The following CARMIL1 variants were observed in gnomAD, a reference collection of about 807,000 sequenced individuals.
CARMIL1 encodes the protein capping protein regulator and myosin 1 linker 1.
CARMIL1 carries 90 observed loss-of-function variants against 177.1 expected under a neutral mutation model. That is an observed-to-expected ratio of 0.51 (90% CI 0.43 to 0.61). CARMIL1 has a LOEUF of 0.61. Ranked by LOEUF, CARMIL1 falls within the 20% of genes least tolerant of loss-of-function variation. The pLI is 0.00. For synonymous variants in CARMIL1, 577 were observed against 606.2 expected, an observed-to-expected ratio of 0.95 and a Z score of 0.71; for missense variants, 1,380 against 1,667.0, an observed-to-expected ratio of 0.83 and a Z score of 3.00.
chr6:25,505,230 G>A (rs1582177493), intron 17 of CARMIL1, among the ~76,000 whole-genome samples: 1 of 152,096 alleles, frequency 6.6e-6, no homozygotes, highest in African/African-American at 2.4e-5. Flanking sequence ...ATACTTCATG[G>A]CCAGATTAGC....
intron 23 of CARMIL1, among the ~76,000 whole-genome samples, chr6:25,526,323 A>G (rs1377913888): frequency 2.6e-4 from 40 of 151,788 alleles, no homozygotes; most frequent in African/African-American, 9.0e-4. Flanking sequence ...AGCCTGGGCG[A>G]CAGCACAAGA....
chr6:25,389,735 G>A (rs777224037), intron 2 of CARMIL1, among the ~76,000 whole-genome samples: 1 of 152,148 alleles, frequency 6.6e-6, no homozygotes, highest in Non-Finnish European at 1.5e-5. Context: ...GGTGTGGGCC[G>A]CAGCAATGAA....
At position 25,338,265 on chromosome 6, in the gene CARMIL1, A is replaced by AAT. The variant is rs1554167275; in HGVS notation, c.138+53357_138+53358insTA. Among the ~76,000 whole-genome samples the AAT allele has an allele frequency of 6.4e-3, 450 of 70,826 alleles. 2 individuals carry two copies. The highest frequency in any genetic ancestry group is 0.026 in the African/African-American group (416 of 16,110). 46.5% of individuals were successfully genotyped at this position (70,826 alleles called of 152,430 possible). A position where few individuals can be genotyped will look rare whatever the true frequency, so the allele number is the denominator to read the frequency against. On this transcript the variant is annotated intron_variant, in intron 2 of 36. Coordinates refer to ENST00000329474, the MANE Select transcript of CARMIL1 (RefSeq NM_017640.6). ...GAGCAAGACTCTGTCTCAAAAAAAA[A>AAT]AAAATAAAATAAAAGGTGGTAGTAT...
chr6:25,579,426 C>A (rs112221079), intron 29 of CARMIL1, among the ~76,000 whole-genome samples: 1 of 152,122 alleles, frequency 6.6e-6, no homozygotes, highest in Non-Finnish European at 1.5e-5. Context: ...GAACTTGTTG[C>A]GACCAAACAC....
At chr6:25,606,029 T>C in intron 34 of CARMIL1, 32 bp from the exon 35 acceptor site, 1 of 1,543,942 alleles carries the variant, frequency 6.5e-7, no homozygotes, top group Non-Finnish European at 8.8e-7. Flanking sequence ...TTCTTTGACC[T>C]TTGATTTTTA....
chr6:25,450,007 T>A lies in CARMIL1; in HGVS notation c.469+12T>A. Reference sequence around the variant, plus strand: ...GCAGGGCCCCTGTGGTGAGCATGCATTTTAAAACTGAAATGTGAATAGCTG... The same window carrying A: ...GCAGGGCCCCTGTGGTGAGCATGCAATTTAAAACTGAAATGTGAATAGCTG... On this transcript the variant is annotated intron_variant, in intron 6 of 36. Transcript: ENST00000329474. 1.3e-6 allele frequency: 2 copies of A among 1,587,560 alleles called. No individual in the cohort carries two copies. Among genetic ancestry groups the A allele is most frequent in the Non-Finnish European group, 1.7e-6 (2 of 1,168,064 alleles).
At chr6:25,605,767 G>A (rs1815898983) in intron 34 of CARMIL1, among the ~76,000 whole-genome samples, 1 of 152,166 alleles carries the variant, frequency 6.6e-6, no homozygotes, top group African/African-American at 2.4e-5. Context: ...TGTTTTCCTT[G>A]TATGTGATTA....
chr6:25,322,426 A>T (rs1784761139), intron 2 of CARMIL1, among the ~76,000 whole-genome samples: 2 of 152,240 alleles, frequency 1.3e-5, no homozygotes, highest in Non-Finnish European at 1.5e-5. Context: ...CCCAGCCTTC[A>T]CTGCTTTTAT....
intron 17 of CARMIL1, among the ~76,000 whole-genome samples, chr6:25,501,646 C>T (rs1804344942): frequency 6.6e-6 from 1 of 152,116 alleles, no homozygotes; most frequent in Non-Finnish European, 1.5e-5. Context: ...TAATAGCATG[C>T]ACTTGGACAC....
At chr6:25,338,993 C>T (rs1270304579) in intron 2 of CARMIL1, among the ~76,000 whole-genome samples, 1 of 151,802 alleles carries the variant, frequency 6.6e-6, no homozygotes, top group African/African-American at 2.4e-5. Context: ...GAAATGTATA[C>T]ATTCTATGAA....
At chr6:25,306,647 T>C (rs1420809679) in intron 2 of CARMIL1, among the ~76,000 whole-genome samples, 2 of 152,236 alleles carry the variant, frequency 1.3e-5, no homozygotes, top group Non-Finnish European at 2.9e-5. Flanking sequence ...CTGAATAATA[T>C]TCTGTTGTAT....
chr6:25,291,419 T>G (rs1179039595), intron 2 of CARMIL1, among the ~76,000 whole-genome samples: 1 of 152,222 alleles, frequency 6.6e-6, no homozygotes, highest in Non-Finnish European at 1.5e-5. Context: ...TCAGATATTC[T>G]GCAATATGGA....
intron 2 of CARMIL1, among the ~76,000 whole-genome samples, chr6:25,307,806 G>A (rs1352927127): frequency 1.3e-5 from 2 of 152,206 alleles, no homozygotes; most frequent in Admixed American, 6.5e-5. Context: ...CACTCTGCAG[G>A]CATCTAAATC....
chr6:25,571,926 A>T (rs1812101559), intron 29 of CARMIL1, among the ~76,000 whole-genome samples: 1 of 152,176 alleles, frequency 6.6e-6, no homozygotes, highest in Admixed American at 6.5e-5. Flanking sequence ...CTGAAGAGAC[A>T]TTACCCTATA....
At chr6:25,281,136 G>GCGCGCGCGCGCA (rs10642536) in intron 1 of CARMIL1, among the ~76,000 whole-genome samples, 2 of 132,102 alleles carry the variant, frequency 1.5e-5, no homozygotes, top group Non-Finnish European at 3.1e-5. Context: ...GTGCGCGCGC[G>GCGCGCGCGCGCA]CACACACACA....
intron 17 of CARMIL1, chr6:25,507,604 A>G (rs1355596074): frequency 6.6e-6 from 1 of 152,642 alleles, no homozygotes; most frequent in East Asian, 1.9e-4. Context: ...GTATGTATAA[A>G]CAAAGTTAAA....
chr6:25,550,790 A>T, intron 26 of CARMIL1, 120 bp from the exon 27 acceptor site: 1 of 843,556 alleles, frequency 1.2e-6, no homozygotes, highest in Non-Finnish European at 1.9e-6. Flanking sequence ...GCGCTCTGGG[A>T]CTCCGTCGTG....
At chr6:25,369,806 G>C (rs76568243) in intron 2 of CARMIL1, 4,831 of 152,274 alleles carry the variant, frequency 0.032, 100 homozygotes, top group Non-Finnish European at 0.049. Flanking sequence ...AAACTGAAAG[G>C]TGCTTTCAGA....
chr6:25,383,688 A>G (rs1036665045), intron 2 of CARMIL1: 1 of 152,190 alleles, frequency 6.6e-6, no homozygotes, highest in African/African-American at 2.4e-5. Context: ...AATTTGTGAA[A>G]TGTTTCATAT....
Sources: allele counts gnomAD v4.1 joint callset (sites outside exome capture counted in the v4.1 genomes callset), GRCh38; gene constraint gnomAD v4.1.1; transcripts MANE v1.5; gene names NCBI Gene and HGNC (gene_info 2026-07-23, HGNC 2026-07-21).